Variants in PARP6 observed in about 807,000 individuals in gnomAD.
The protein encoded by PARP6 is poly(ADP-ribose) polymerase family member 6.
PARP6 carries 27 observed loss-of-function variants against 92.0 expected under a neutral mutation model. The observed-to-expected ratio is 0.29, with a 90% confidence interval of 0.22 to 0.40. The LOEUF (loss-of-function observed/expected upper bound fraction) is 0.40, where lower values mean the gene tolerates loss of function less well. PARP6 is among the 10% of genes least tolerant of loss of function. The probability of loss-of-function intolerance (pLI) is 1.00; values close to 1 mark genes in which losing one functional copy is unlikely to be tolerated. For missense variants in PARP6, 501 were observed against 784.5 expected (o/e 0.64, Z 4.32); for synonymous variants, 272 against 281.2 (o/e 0.97, Z 0.33).
chr15:72,265,562 G>T, intron 5 of PARP6, 89 bp from the exon 6 acceptor site: 1 of 1,035,854 alleles, frequency 9.7e-7, no homozygotes, highest in African/African-American at 1.6e-5. Context: ...TGAGCCTGGG[G>T]ACAGGGGAAA....
intron 19 of PARP6, 70 bp downstream of exon 19, chr15:72,249,950 A>G (rs1439331418): frequency 7.0e-6 from 7 of 1,002,958 alleles, no homozygotes; most frequent in African/African-American, 1.6e-5. Context: ...CTTACTCTAG[A>G]GCAGCCTTCC....
At chr15:72,264,463 TTCCA>T in intron 8 of PARP6, 88 bp downstream of exon 8, 1 of 919,724 alleles carries the variant, frequency 1.1e-6, no homozygotes, top group Non-Finnish European at 1.7e-6. Flanking sequence ...GAAGGGGGCA[TTCCA>T]TCCAAGGCTC....
intron 4 of PARP6, 71 bp from the exon 5 acceptor site, chr15:72,266,062 G>C: frequency 9.4e-7 from 1 of 1,066,084 alleles, no homozygotes; most frequent in African/African-American, 1.6e-5. Context: ...ATAATAAAAA[G>C]AATATGAAAA....
chr15:72,266,001 C>A lies in PARP6; in HGVS notation c.82-10G>T. The A allele has an allele frequency of 6.3e-7, 1 of 1,591,990 alleles. No homozygotes were observed. Among genetic ancestry groups the A allele is most frequent in the Non-Finnish European group, 8.6e-7 (1 of 1,160,146 alleles). On this transcript the variant is annotated splice_polypyrimidine_tract_variant and intron_variant, in intron 4 of 23. Transcript: ENST00000569795. ...CAGCTGCACAGCTCCCCTGAGATAG[C>A]AGCAAAAATGGTGGTGGAGAGAGGT...
intron 2 of PARP6, among the ~76,000 whole-genome samples, chr15:72,270,438 G>A (rs577467712): frequency 2.0e-5 from 3 of 152,032 alleles, no homozygotes; most frequent in Non-Finnish European, 4.4e-5. Context: ...AAAATCAGAA[G>A]CTACTCTAAT....
chr15:72,259,597 G>T lies in PARP6; in HGVS notation c.810+11C>A. ...GGAAGGGCTTCGGAGTGACAATTTT[G>T]ACTTGATTACCTGAACGAGGAATCC... On this transcript the variant is annotated intron_variant, in intron 11 of 23. Transcript: ENST00000569795. The T allele has an allele frequency of 6.2e-7, 1 of 1,613,460 alleles. No homozygotes were observed. The highest frequency in any genetic ancestry group is 8.5e-7 in the Non-Finnish European group (1 of 1,179,438).
Position 72,250,964 on chromosome 15 carries a change from AGGGTGG to A in PARP6, c.1309-16_1309-11del. ...TGTGCATGAACTTCAGCTGCTGCCC[AGGGTGG>A]GGGTGGAATCAGGAAAACAGAGCAG... On this transcript the variant is annotated splice_polypyrimidine_tract_variant and intron_variant, in intron 17 of 23. Transcript: ENST00000569795. 1.3e-6 allele frequency: 2 copies of A among 1,555,494 alleles called. No homozygotes were observed. Among genetic ancestry groups the A allele is most frequent in the Non-Finnish European group, 1.8e-6 (2 of 1,128,678 alleles).
intron 15 of PARP6, chr15:72,254,156 G>T (rs2084745449): frequency 2.1e-6 from 1 of 467,108 alleles, no homozygotes. Context: ...CCTGGGCAGA[G>T]GTCTTTCCTT....
chr15:72,254,656 T>C (rs1044193867), intron 14 of PARP6, 136 bp from the exon 15 acceptor site: 17 of 649,722 alleles, frequency 2.6e-5, no homozygotes, highest in Admixed American at 1.0e-4. Flanking sequence ...AGAGCATTAA[T>C]GTCAGACAGT....
At chr15:72,249,213 T>C (rs377345182) in intron 20 of PARP6, 32 bp downstream of exon 20, 4 of 1,316,024 alleles carry the variant, frequency 3.0e-6, no homozygotes, top group African/African-American at 1.4e-5. Context: ...GCAATGTAAA[T>C]AGAGTCAAGG....
chr15:72,259,602 G>C lies in PARP6; in HGVS notation c.810+6C>G. On this transcript the variant is annotated splice_donor_region_variant and intron_variant, in intron 11 of 23. Transcript: ENST00000569795. ...GGCTTCGGAGTGACAATTTTGACTT[G>C]ATTACCTGAACGAGGAATCCATACT... 4 of 1,613,696 alleles carry C rather than the reference G, an allele frequency of 2.5e-6. No individual in the cohort carries two copies. The highest frequency in any genetic ancestry group is 2.5e-6 in the Non-Finnish European group (3 of 1,179,650).
Position 72,241,542 on chromosome 15 carries a change from C to T in PARP6, c.1806G>A (p.Gln602=). The T allele has an allele frequency of 6.2e-7, 1 of 1,613,320 alleles. No homozygotes were observed. The highest frequency in any genetic ancestry group is 8.5e-7 in the Non-Finnish European group (1 of 1,179,240). The change falls in exon 24 of 24, where the codon CAG becomes CAA. Residue 602 remains glutamine, a synonymous_variant. Transcript: ENST00000569795. This position sits in a 1 kb window ranked among gnomAD's most constrained non-coding sequence, Gnocchi z 4.1. The stretch of plus-strand genomic sequence containing the variant: ...GAGTATTAATGTTGGCATCGCCCAC[C>T]TGACCATCCTCATATCTGCCAAAGA... ...TRFFFVYEDG[Q]VGDANINTQD... is the part of the protein sequence containing the mutation.
At chr15:72,253,152 G>A (rs2084603812) in intron 16 of PARP6, among the ~76,000 whole-genome samples, 1 of 149,716 alleles carries the variant, frequency 6.7e-6, no homozygotes, top group Admixed American at 6.7e-5. Context: ...TCTAGCCGGG[G>A]CAACAGAGTG....
At chr15:72,269,220 G>A (rs1347061984) in intron 2 of PARP6, among the ~76,000 whole-genome samples, 3 of 152,114 alleles carry the variant, frequency 2.0e-5, no homozygotes, top group Admixed American at 6.5e-5. Context: ...GAGTGCAATG[G>A]TGCGATCTCG....
At chr15:72,252,346 T>C (rs2084471675) in intron 16 of PARP6, among the ~76,000 whole-genome samples, 1 of 152,230 alleles carries the variant, frequency 6.6e-6, no homozygotes, top group African/African-American at 2.4e-5. Context: ...ATGTGTAATA[T>C]TCTTCAAAAT....
chr15:72,264,481 C>T lies in PARP6; in HGVS notation c.395+74G>A, dbSNP rs148446906. ...GGGGGCATTCCATCCAAGGCTCTGC[C>T]TGTCCATCCATATATTTCCACCTCT... On this transcript the variant is annotated intron_variant, in intron 8 of 23. Coordinates refer to ENST00000569795, the MANE Select transcript of PARP6 (RefSeq NM_001323532.2). 28 of 1,113,166 alleles carry T rather than the reference C, an allele frequency of 2.5e-5. No individual in the cohort carries two copies. The African/African-American group carries it at 3.4e-4, about 14-fold the overall frequency. 69.0% of individuals were successfully genotyped at this position (1,113,166 alleles called of 1,614,324 possible).
chr15:72,271,950 C>T (rs1457632826), intron 1 of PARP6, among the ~76,000 whole-genome samples: 1 of 152,206 alleles, frequency 6.6e-6, no homozygotes, highest in East Asian at 1.9e-4. Context: ...AACTTCACGT[C>T]TAGTCAAAGC....
intron 13 of PARP6, 151 bp downstream of exon 13, chr15:72,257,197 G>A: frequency 3.2e-6 from 2 of 615,882 alleles, no homozygotes; most frequent in South Asian, 3.9e-5. Flanking sequence ...CTACAGATGG[G>A]GTTGTATCCA....
chr15:72,258,161 T>G, intron 11 of PARP6, 29 bp from the exon 12 acceptor site: 2 of 1,480,088 alleles, frequency 1.4e-6, no homozygotes, highest in Non-Finnish European at 1.9e-6. Flanking sequence ...CTAAGTCTTT[T>G]GGAAGTACTG....
Sources: allele counts gnomAD v4.1 joint callset (sites outside exome capture counted in the v4.1 genomes callset), GRCh38; gene constraint gnomAD v4.1.1; non-coding constraint Gnocchi (gnomAD v3.1); transcripts MANE v1.5; gene names NCBI Gene and HGNC (gene_info 2026-07-23, HGNC 2026-07-21).